ANO1: variants seen among roughly 807,000 people sequenced by gnomAD.
ANO1 encodes the protein anoctamin 1.
In ANO1, 59 loss-of-function variants were observed where a neutral mutation model predicts 124.0. The observed-to-expected ratio is 0.48, with a 90% CI of 0.39 to 0.59. ANO1 has a LOEUF of 0.59. ANO1 is among the 20% of genes least tolerant of loss of function. The pLI, the probability that ANO1 is intolerant of heterozygous loss-of-function variation, is 0.00. For missense variants in ANO1, 1,059 were observed against 1,328.0 expected, an observed-to-expected ratio of 0.80 and a Z score of 3.15; for synonymous variants, 529 against 532.0, an observed-to-expected ratio of 0.99 and a Z score of 0.08.
chr11:69,995,206 T>G (rs1856245671), intron 1 of ANO1, among the ~76,000 whole-genome samples: 1 of 151,336 alleles, frequency 6.6e-6, no homozygotes, highest in African/African-American at 2.4e-5. Flanking sequence ...TTCAAGCAAT[T>G]CTCCTGCCTC....
In ANO1 at chr11:70,143,500, C is replaced by A. The variant is rs750495230; in HGVS notation, c.1259-6210C>A. Among the ~76,000 whole-genome samples, 24 of 152,066 alleles carry A rather than the reference C, an allele frequency of 1.6e-4. 1 individual carries two copies. Among genetic ancestry groups the A allele is most frequent in the South Asian group, 4.1e-4 (2 of 4,820 alleles). On this transcript the variant is annotated intron_variant, in intron 11 of 25. Coordinates refer to ENST00000355303, the MANE Select transcript of ANO1 (RefSeq NM_018043.7). ...GGATGGAGGGATGGTTGGAGAAGGA[C>A]GGCAGAAAGACGGAGGGGTCGGTAC...
rs545045418 is a variant in ANO1 at position 70,135,379 on chromosome 11, G to A, written c.1258+3300G>A. On this transcript the variant is annotated intron_variant, in intron 11 of 25. Coordinates refer to ENST00000355303, the MANE Select transcript of ANO1 (RefSeq NM_018043.7). Reference sequence around the variant, plus strand: ...AGGAGACGCTGGCGGGCTTGGCCGAGCTGGTCTCATCTGACACACAGGGTT... The same window carrying A: ...AGGAGACGCTGGCGGGCTTGGCCGAACTGGTCTCATCTGACACACAGGGTT... 3.3e-5 allele frequency among the ~76,000 whole-genome samples: 5 copies of A among 152,284 alleles called. No homozygotes were observed. The East Asian group carries it at 7.7e-4, about 24-fold the overall frequency.
At chr11:70,006,925 C>T (rs1394234606) in intron 1 of ANO1, among the ~76,000 whole-genome samples, 3 of 152,072 alleles carry the variant, frequency 2.0e-5, no homozygotes, top group Non-Finnish European at 4.4e-5. Context: ...CCGCCTCGGC[C>T]TCCCAAAGTG....
At chr11:70,144,379 A>G (rs151029182) in intron 11 of ANO1, among the ~76,000 whole-genome samples, 2 of 152,030 alleles carry the variant, frequency 1.3e-5, no homozygotes, top group Admixed American at 1.3e-4. Context: ...CCGCTTGTGG[A>G]TGAAGTCAGG....
At chr11:70,111,811 A>G (rs9666157) in intron 7 of ANO1, 49 bp downstream of exon 7, 318,829 of 1,593,964 alleles carry the variant, frequency 0.2, 33,849 homozygotes, top group Admixed American at 0.27. Context: ...TGACTCCCCA[A>G]ATCCCGCCGG....
At chr11:70,136,090 AC>A (rs1388795105) in intron 11 of ANO1, among the ~76,000 whole-genome samples, 1 of 152,186 alleles carries the variant, frequency 6.6e-6, no homozygotes, top group Non-Finnish European at 1.5e-5. Context: ...AGATTGGTCA[AC>A]ACCCTGGTTG....
chr11:70,032,953 G>T (rs1176722584), intron 1 of ANO1, among the ~76,000 whole-genome samples: 2 of 151,752 alleles, frequency 1.3e-5, no homozygotes, highest in Non-Finnish European at 2.9e-5. Flanking sequence ...ACCACAGAAG[G>T]AATGAGTGAA....
intron 1 of ANO1, among the ~76,000 whole-genome samples, chr11:70,063,067 C>T (rs1331423846): frequency 1.3e-5 from 2 of 152,056 alleles, no homozygotes; most frequent in Non-Finnish European, 2.9e-5. Context: ...GTAGCTGGGA[C>T]TACAGGCACA....
intron 11 of ANO1, among the ~76,000 whole-genome samples, chr11:70,133,177 G>T (rs2046828696): frequency 6.6e-6 from 1 of 152,218 alleles, no homozygotes; most frequent in South Asian, 2.1e-4. Flanking sequence ...AGGGGCAAAT[G>T]TGGACTGAAA....
intron 6 of ANO1, among the ~76,000 whole-genome samples, chr11:70,110,678 G>T (rs969124223): frequency 6.6e-6 from 1 of 152,150 alleles, no homozygotes; most frequent in African/African-American, 2.4e-5. Flanking sequence ...CTCAGAGGGT[G>T]GTCCGCCCAG....
intron 2 of ANO1, among the ~76,000 whole-genome samples, chr11:70,091,354 C>A (rs950741271): frequency 3.3e-5 from 5 of 152,198 alleles, no homozygotes; most frequent in African/African-American, 7.2e-5. Flanking sequence ...CAGAGTCTAT[C>A]AGATTCTCAC....
Position 70,167,102 on chromosome 11 carries a change from G to C in ANO1, c.2052-140G>C. ...GCAGAGGTTGCAGTGAGCTGAGACA[G>C]GGCCACTGCACTCCAGCCTGAGCAA... On this transcript the variant is annotated intron_variant, in intron 20 of 25. Transcript: ENST00000355303. 3 of 1,086,866 alleles carry C rather than the reference G, an allele frequency of 2.8e-6. No individual in the cohort carries two copies. In the South Asian group the frequency reaches 5.1e-5, roughly 18 times the overall value. The allele number at this position is 1,086,866 out of a possible 1,614,324, so 67.3% of individuals were successfully genotyped here. A position where few individuals can be genotyped will look rare whatever the true frequency, so the allele number is the denominator to read the frequency against.
At chr11:69,994,039 G>C (rs1856209300) in intron 1 of ANO1, among the ~76,000 whole-genome samples, 1 of 151,934 alleles carries the variant, frequency 6.6e-6, no homozygotes, top group Non-Finnish European at 1.5e-5. Context: ...ACTTGATCAA[G>C]TTCCAAAAGG....
the ANO1 span, among the ~76,000 whole-genome samples, chr11:69,974,060 T>C: frequency 6.6e-6 from 1 of 152,120 alleles, no homozygotes; most frequent in Non-Finnish European, 1.5e-5. Context: ...GGTTCATACC[T>C]GTAATTCCAG....
At chr11:70,187,172 G>A (rs1243110921) in intron 25 of ANO1, among the ~76,000 whole-genome samples, 1 of 152,232 alleles carries the variant, frequency 6.6e-6, no homozygotes, top group African/African-American at 2.4e-5. Flanking sequence ...ACCAATCCAG[G>A]GGGCACCAGC....
upstream of ANO1, among the ~76,000 whole-genome samples, chr11:69,984,760 G>A (rs959515071): frequency 6.6e-6 from 1 of 152,198 alleles, no homozygotes; most frequent in African/African-American, 2.4e-5. Flanking sequence ...ACCTTGGCAA[G>A]TGATCCAAGG....
At chr11:70,089,793 G>A (rs187346966) in intron 2 of ANO1, among the ~76,000 whole-genome samples, 162 of 152,298 alleles carry the variant, frequency 1.1e-3, no homozygotes, top group African/African-American at 3.6e-3. Context: ...GTTTTCGCAC[G>A]GTCCTGCCCT....
Position 70,117,351 on chromosome 11 carries a change from G to A in ANO1, c.897+852G>A, listed in dbSNP as rs143780509. On this transcript the variant is annotated intron_variant, in intron 8 of 25. Transcript: ENST00000355303. The stretch of plus-strand genomic sequence containing the variant: ...CTCCCAAAGTGCTGGGATTACAAGC[G>A]TGAGTCACCGCACCCAGCCAGCCCC... Among the ~76,000 whole-genome samples, 69 of 152,056 alleles carry A rather than the reference G, an allele frequency of 4.5e-4. No individual in the cohort carries two copies. The East Asian group carries it at 0.01, about 23-fold the overall frequency.
chr11:70,094,064 C>T (rs985655676), intron 2 of ANO1, among the ~76,000 whole-genome samples: 28 of 152,286 alleles, frequency 1.8e-4, no homozygotes, highest in African/African-American at 5.1e-4. Context: ...AGTTAATCCT[C>T]GAGCCCACAG....
Sources: allele counts gnomAD v4.1 joint callset (sites outside exome capture counted in the v4.1 genomes callset), GRCh38; gene constraint gnomAD v4.1.1; transcripts MANE v1.5; gene names NCBI Gene and HGNC (gene_info 2026-07-23, HGNC 2026-07-21).